AGBL4: variants seen among roughly 807,000 people sequenced by gnomAD.
AGBL4 encodes cytosolic carboxypeptidase 6.
AGBL4 carries 58 observed loss-of-function variants against 66.4 expected under a neutral mutation model. The ratio of observed to expected loss-of-function variants is 0.87; its 90% CI spans 0.71 to 1.09. AGBL4 has a LOEUF of 1.09. Ranked by LOEUF, AGBL4 falls within the 50% of genes least tolerant of loss-of-function variation. The pLI is 0.00. For synonymous variants in AGBL4, 234 were observed against 222.9 expected (o/e 1.05, Z -0.44); for missense variants, 579 against 631.0 (o/e 0.92, Z 0.88).
At chr1:49,969,055 CAT>C (rs1216427342) in intron 1 of AGBL4, among the ~76,000 whole-genome samples, 2 of 152,182 alleles carry the variant, frequency 1.3e-5, no homozygotes, top group East Asian at 3.8e-4. Context: ...TTTCTAGTAA[CAT>C]ACAAGTACTC....
At chr1:49,930,241 A>C (rs754390664) in intron 1 of AGBL4, among the ~76,000 whole-genome samples, 1 of 152,136 alleles carries the variant, frequency 6.6e-6, no homozygotes, top group Non-Finnish European at 1.5e-5. Context: ...CTTGAGACAC[A>C]CAAATTACTA....
chr1:49,907,555 G>A (rs1211536134), intron 1 of AGBL4, among the ~76,000 whole-genome samples: 1 of 152,052 alleles, frequency 6.6e-6, no homozygotes, highest in African/African-American at 2.4e-5. Flanking sequence ...CTAAGTGAAA[G>A]AAACCAATCT....
intron 5 of AGBL4, among the ~76,000 whole-genome samples, chr1:49,016,089 C>G (rs1037271908): frequency 2.0e-5 from 3 of 152,162 alleles, no homozygotes; most frequent in Admixed American, 6.5e-5. Context: ...AAGGGCCCAG[C>G]TTGTGGCAGA....
chr1:49,449,411 T>G (rs915031161), intron 3 of AGBL4, among the ~76,000 whole-genome samples: 1 of 152,106 alleles, frequency 6.6e-6, no homozygotes, highest in Non-Finnish European at 1.5e-5. Context: ...GTTTTTAAAA[T>G]GTGAAATGCC....
At chr1:48,835,890 G>T (rs1380416518) in intron 6 of AGBL4, among the ~76,000 whole-genome samples, 2 of 152,202 alleles carry the variant, frequency 1.3e-5, no homozygotes, top group Admixed American at 6.5e-5. Flanking sequence ...AGCCAGTATG[G>T]AATGAATACT....
At chr1:49,472,784 C>T (rs1240211860) in intron 3 of AGBL4, among the ~76,000 whole-genome samples, 5 of 151,866 alleles carry the variant, frequency 3.3e-5, no homozygotes, top group Admixed American at 3.3e-4. Context: ...GAACATAGTA[C>T]CCAGTAGGTA....
At chr1:49,629,566 C>T (rs1016827384) in intron 3 of AGBL4, among the ~76,000 whole-genome samples, 1 of 152,132 alleles carries the variant, frequency 6.6e-6, no homozygotes, top group Admixed American at 6.6e-5. Context: ...GTGAGCCAGA[C>T]TCCATTTATT....
Position 48,534,859 on chromosome 1 carries a change from C to T in AGBL4, c.1391+31G>A, listed in dbSNP as rs552166607. 4.7e-5 allele frequency: 73 copies of T among 1,548,526 alleles called. 1 individual carries two copies. The East Asian group carries it at 5.1e-4, about 11-fold the overall frequency. ...GAGCACATGCATGGTATGTTACTTA[C>T]GGGCAATGTCATCTTGAAGCAGTTC... On this transcript the variant is annotated intron_variant, in intron 13 of 13. Coordinates refer to ENST00000371839, the MANE Select transcript of AGBL4 (RefSeq NM_032785.4).
At chr1:49,706,022 G>A (rs890584173) in intron 2 of AGBL4, among the ~76,000 whole-genome samples, 4 of 151,824 alleles carry the variant, frequency 2.6e-5, no homozygotes, top group Non-Finnish European at 5.9e-5. Context: ...TTTTTTTGTC[G>A]TGTCTGCCAG....
At chr1:48,652,329 T>C (rs971410431) in intron 8 of AGBL4, among the ~76,000 whole-genome samples, 30 of 152,200 alleles carry the variant, frequency 2.0e-4, no homozygotes, top group African/African-American at 7.2e-4. Flanking sequence ...TGAACTGAGT[T>C]GCAAAGAATT....
At chr1:48,872,538 A>G (rs922076788) in intron 5 of AGBL4, among the ~76,000 whole-genome samples, 1 of 152,260 alleles carries the variant, frequency 6.6e-6, no homozygotes, top group East Asian at 1.9e-4. Context: ...CAGCCTACCA[A>G]TATAGATAAA....
At chr1:49,720,993 G>A (rs1196687129) in intron 2 of AGBL4, among the ~76,000 whole-genome samples, 1 of 152,090 alleles carries the variant, frequency 6.6e-6, no homozygotes, top group Non-Finnish European at 1.5e-5. Context: ...CCTGGGTAAA[G>A]TGGGGACTTG....
chr1:49,066,594 TG>T (rs1212776650), intron 4 of AGBL4, among the ~76,000 whole-genome samples: 2 of 152,176 alleles, frequency 1.3e-5, no homozygotes, highest in Admixed American at 6.5e-5. Context: ...GCCTCCAACT[TG>T]GCTGAAGATG....
intron 4 of AGBL4, among the ~76,000 whole-genome samples, chr1:49,203,261 CACTTCTGGATCTAT>C (rs1647866017): frequency 6.6e-6 from 1 of 151,946 alleles, no homozygotes; most frequent in Non-Finnish European, 1.5e-5. Context: ...CCAGGAACTC[CACTTCTGGATCTAT>C]ACCCGAAATA....
At chr1:48,620,775 T>C (rs1179971444) in intron 9 of AGBL4, among the ~76,000 whole-genome samples, 1 of 152,192 alleles carries the variant, frequency 6.6e-6, no homozygotes, top group Non-Finnish European at 1.5e-5. Context: ...GTGCTTACAA[T>C]TTACCAGCCT....
intron 4 of AGBL4, among the ~76,000 whole-genome samples, chr1:49,050,404 G>C (rs1356964681): frequency 6.6e-6 from 1 of 152,062 alleles, no homozygotes; most frequent in Admixed American, 6.6e-5. Flanking sequence ...CTGGATGGCA[G>C]GTAGTACATA....
chr1:49,623,994 T>TGA (rs201077751), intron 3 of AGBL4, among the ~76,000 whole-genome samples: 5,472 of 141,766 alleles, frequency 0.039, 120 homozygotes, highest in Middle Eastern at 0.049. Flanking sequence ...ATAGTTTTGA[T>TGA]GAGAGAGAGT....
chr1:48,576,610 C>T (rs1569856905), intron 11 of AGBL4, among the ~76,000 whole-genome samples: 1 of 152,162 alleles, frequency 6.6e-6, no homozygotes, highest in Non-Finnish European at 1.5e-5. Flanking sequence ...CCAGGCAAAC[C>T]AGGGCAGTTG....
At chr1:48,921,908 ATT>A (rs1013832445) in intron 5 of AGBL4, among the ~76,000 whole-genome samples, 6 of 152,140 alleles carry the variant, frequency 3.9e-5, no homozygotes, top group African/African-American at 1.4e-4. Flanking sequence ...ATGTAATATT[ATT>A]TTTCTTCTTT....
Sources: allele counts gnomAD v4.1 joint callset (sites outside exome capture counted in the v4.1 genomes callset), GRCh38; gene constraint gnomAD v4.1.1; transcripts MANE v1.5; gene names NCBI Gene and HGNC (gene_info 2026-07-23, HGNC 2026-07-21).